CTTNBP2: variants seen among roughly 807,000 people sequenced by gnomAD.
CTTNBP2 encodes cortactin-binding protein 2.
CTTNBP2 carries 108 observed loss-of-function variants against 156.9 expected under a neutral mutation model. The observed-to-expected ratio is 0.69, with a 90% CI of 0.59 to 0.81. The LOEUF (loss-of-function observed/expected upper bound fraction) is 0.81. CTTNBP2 is among the 30% of genes least tolerant of loss of function. CTTNBP2 has a pLI of 0.00. For synonymous variants in CTTNBP2, 767 were observed against 751.8 expected (o/e 1.02, Z -0.33); for missense variants, 1,924 against 2,035.4 (o/e 0.95, Z 1.05).
At chr7:117,818,288 A>T (rs1424916858) in intron 2 of CTTNBP2, among the ~76,000 whole-genome samples, 1 of 152,194 alleles carries the variant, frequency 6.6e-6, no homozygotes, top group Non-Finnish European at 1.5e-5. Flanking sequence ...AATAATAAAA[A>T]AAAACCAAAA....
intron 2 of CTTNBP2, among the ~76,000 whole-genome samples, chr7:117,820,629 T>G (rs2117023733): frequency 6.6e-6 from 1 of 152,354 alleles, no homozygotes; most frequent in Admixed American, 6.5e-5. Flanking sequence ...CTGAAAAGAC[T>G]AGCCTTTCCC....
intron 14 of CTTNBP2, among the ~76,000 whole-genome samples, chr7:117,742,487 C>T (rs529675984): frequency 2.4e-4 from 36 of 152,114 alleles, no homozygotes; most frequent in African/African-American, 8.0e-4. Flanking sequence ...TGGAGAGATG[C>T]GGGATGGGGA....
chr7:117,747,193 G>A (rs1024968611), intron 12 of CTTNBP2, among the ~76,000 whole-genome samples: 4 of 152,178 alleles, frequency 2.6e-5, no homozygotes, highest in African/African-American at 9.7e-5. Context: ...CAGACTTAGA[G>A]AAGTTTTGAG....
rs34711637 is a variant in CTTNBP2 at position 117,727,373 on chromosome 7, T to A, written c.4055+716A>T. 7.0e-3 allele frequency among the ~76,000 whole-genome samples: 1,062 copies of A among 152,152 alleles called. 11 individuals are homozygous for A. The highest frequency in any genetic ancestry group is 0.024 in the African/African-American group (981 of 41,516). ...ACTATGCCTGGCTAATTTTTTTTTTTAAATAGAGATGGGGTCTCACTACGT... is the reference window on the plus strand; with the variant it reads ...ACTATGCCTGGCTAATTTTTTTTTTAAAATAGAGATGGGGTCTCACTACGT... On this transcript the variant is annotated intron_variant, in intron 17 of 22. Transcript: ENST00000160373.
At position 117,783,682 on chromosome 7, in the gene CTTNBP2, G is replaced by A. The variant is rs557913884; in HGVS notation, c.2272+569C>T. The stretch of plus-strand genomic sequence containing the variant: ...AATCATATGGGCTTCCATATGCAAC[G>A]CTATCTGACTTTGCATTTGCGGTCA... On this transcript the variant is annotated intron_variant, in intron 5 of 22. Transcript: ENST00000160373. Among the ~76,000 whole-genome samples the A allele has an allele frequency of 6.0e-4, 91 of 152,228 alleles. 1 individual carries two copies. The highest frequency in any genetic ancestry group is 5.4e-3 in the South Asian group (26 of 4,818).
chr7:117,780,730 T>C (rs17140422), intron 6 of CTTNBP2, 139 bp from the exon 7 acceptor site: 32,994 of 435,756 alleles, frequency 0.076, 1,964 homozygotes, highest in African/African-American at 0.21. Flanking sequence ...CATATATCAA[T>C]TATTATGGAT....
At chr7:117,842,653 T>G (rs577450872) in intron 2 of CTTNBP2, among the ~76,000 whole-genome samples, 1 of 152,300 alleles carries the variant, frequency 6.6e-6, no homozygotes, top group Non-Finnish European at 1.5e-5. Flanking sequence ...CAGTTTCATC[T>G]ATGGAAGAAG....
intron 16 of CTTNBP2, among the ~76,000 whole-genome samples, chr7:117,734,096 C>T (rs114593589): frequency 2.0e-3 from 300 of 152,284 alleles, no homozygotes; most frequent in African/African-American, 6.7e-3. Context: ...GCAGTCTTGA[C>T]GGGAGGGTCA....
chr7:117,791,830 C>T lies in CTTNBP2; in HGVS notation c.1366G>A (p.Ala456Thr). 1 of 1,614,200 alleles carries T rather than the reference C, an allele frequency of 6.2e-7. No homozygotes were observed. Among genetic ancestry groups the T allele is most frequent in the East Asian group, 2.2e-5 (1 of 44,872 alleles). The change falls in exon 4 of 23, where the codon GCT (alanine) becomes ACT (threonine). Residue 456 changes from alanine to threonine, a missense_variant. Physicochemically the swap from Ala to Thr is moderately conservative, Grantham distance 58 (BLOSUM62 0). Coordinates refer to ENST00000160373, the MANE Select transcript of CTTNBP2 (RefSeq NM_033427.3). ...QAARFRFQGN[A>T]NDPDQNGNTT... ...TTTCCATTTTGGTCTGGGTCGTTAG[C>T]ATTGCCCTGAAATCTAAATCTAGCT...
At chr7:117,749,479 C>T (rs543996642) in intron 12 of CTTNBP2, among the ~76,000 whole-genome samples, 14 of 152,296 alleles carry the variant, frequency 9.2e-5, no homozygotes, top group Admixed American at 7.8e-4. Flanking sequence ...CCCAGCAGCT[C>T]CTGTCTCCAT....
In CTTNBP2 at chr7:117,742,031, C is replaced by T. The variant is rs567893297; in HGVS notation, c.3535+3800G>A. Among the ~76,000 whole-genome samples, 7 of 152,308 alleles carry T rather than the reference C, an allele frequency of 4.6e-5. No individual in the cohort carries two copies. The South Asian group carries it at 6.2e-4, about 14-fold the overall frequency. On this transcript the variant is annotated intron_variant, in intron 14 of 22. Coordinates refer to ENST00000160373, the MANE Select transcript of CTTNBP2 (RefSeq NM_033427.3). The stretch of plus-strand genomic sequence containing the variant: ...AAGGCAAAACCCCAAATAATACCCT[C>T]GTTGCCTTGACATACAGTTGGGTAG...
intron 2 of CTTNBP2, among the ~76,000 whole-genome samples, chr7:117,854,914 A>G (rs1378269621): frequency 6.6e-6 from 1 of 152,090 alleles, no homozygotes; most frequent in Non-Finnish European, 1.5e-5. Context: ...CCTCTCAAGT[A>G]GCTGGGATTA....
chr7:117,773,805 G>C lies in CTTNBP2; in HGVS notation c.2778+3706C>G, dbSNP rs566720785. 6.6e-5 allele frequency among the ~76,000 whole-genome samples: 10 copies of C among 152,150 alleles called. No individual in the cohort carries two copies. The East Asian group carries it at 1.9e-3, about 29-fold the overall frequency. On this transcript the variant is annotated intron_variant, in intron 8 of 22. Coordinates refer to ENST00000160373, the MANE Select transcript of CTTNBP2 (RefSeq NM_033427.3). ...GCAGTGTTCTGGAAGCCCAGGGAGA[G>C]AGGAGTATGCATTAAATCGTCAACT...
intron 2 of CTTNBP2, among the ~76,000 whole-genome samples, chr7:117,858,577 T>C (rs1803493093): frequency 6.6e-6 from 1 of 152,158 alleles, no homozygotes; most frequent in African/African-American, 2.4e-5. Context: ...ACAGGAGCAG[T>C]ACCCTAGGAT....
At chr7:117,753,317 A>T (rs1796717237) in intron 12 of CTTNBP2, among the ~76,000 whole-genome samples, 1 of 152,182 alleles carries the variant, frequency 6.6e-6, no homozygotes, top group Non-Finnish European at 1.5e-5. Context: ...GTGTAAATTA[A>T]TCCAACCACT....
chr7:117,776,547 T>G (rs1156865002), intron 8 of CTTNBP2, among the ~76,000 whole-genome samples: 1 of 152,146 alleles, frequency 6.6e-6, no homozygotes, highest in East Asian at 1.9e-4. Context: ...TCCACCTCCC[T>G]ACTTCCATGT....
chr7:117,822,691 T>C (rs1283835884), intron 2 of CTTNBP2, among the ~76,000 whole-genome samples: 1 of 152,224 alleles, frequency 6.6e-6, no homozygotes, highest in Non-Finnish European at 1.5e-5. Flanking sequence ...CTGCGACTGA[T>C]TTCTCATTTA....
intron 8 of CTTNBP2, among the ~76,000 whole-genome samples, chr7:117,768,439 G>A (rs1400555115): frequency 9.3e-5 from 14 of 151,316 alleles, no homozygotes; most frequent in East Asian, 1.9e-4. Flanking sequence ...TGTGGTGGGC[G>A]CCTGTAATCC....
In CTTNBP2 at chr7:117,806,173, T is replaced by G. The variant is rs1281557387; in HGVS notation, c.414+4592A>C. On this transcript the variant is annotated intron_variant, in intron 3 of 22. Coordinates refer to ENST00000160373, the MANE Select transcript of CTTNBP2 (RefSeq NM_033427.3). ...GATTGTGTGGAAGAGCTCAGAAGAA[T>G]GAACGCAGCTTCACTGGTAGTGAGA... Among the ~76,000 whole-genome samples, 6 of 152,184 alleles carry G rather than the reference T, an allele frequency of 3.9e-5. No homozygotes were observed. The East Asian group carries it at 1.2e-3, about 29-fold the overall frequency.
Sources: allele counts gnomAD v4.1 joint callset (sites outside exome capture counted in the v4.1 genomes callset), GRCh38; gene constraint gnomAD v4.1.1; transcripts MANE v1.5; gene names NCBI Gene and HGNC (gene_info 2026-07-23, HGNC 2026-07-21).